The following TBC1D8 variants were observed in gnomAD, a reference collection of about 807,000 sequenced individuals.
TBC1D8 encodes the protein BUB2-like protein 1.
In TBC1D8, 65 loss-of-function variants were observed where a neutral mutation model predicts 118.8. The ratio of observed to expected loss-of-function variants is 0.55; its 90% confidence interval spans 0.45 to 0.67. The LOEUF (loss-of-function observed/expected upper bound fraction) is 0.67, where lower values mean the gene tolerates loss of function less well. TBC1D8 is among the 30% of genes least tolerant of loss of function. TBC1D8 has a pLI of 0.00. For missense variants in TBC1D8, 1,376 were observed against 1,471.2 expected, an observed-to-expected ratio of 0.94 and a Z score of 1.06; for synonymous variants, 566 against 595.8, an observed-to-expected ratio of 0.95 and a Z score of 0.73.
chr2:101,083,835 T>C (rs1675419750), intron 2 of TBC1D8, among the ~76,000 whole-genome samples: 1 of 152,064 alleles, frequency 6.6e-6, no homozygotes, highest in Non-Finnish European at 1.5e-5. Context: ...TGCTCAATGC[T>C]CAAGACACAA....
intron 17 of TBC1D8, among the ~76,000 whole-genome samples, chr2:101,016,554 C>T (rs1226131524): frequency 2.0e-5 from 3 of 152,092 alleles, no homozygotes; most frequent in Non-Finnish European, 4.4e-5. Context: ...TACCATTTGA[C>T]CCAGCCATCC....
At position 101,037,594 on chromosome 2, in the gene TBC1D8, G is replaced by C. The variant is rs199934612; in HGVS notation, c.1390C>G (p.His464Asp). The C allele has an allele frequency of 2.5e-6, 4 of 1,613,522 alleles. No homozygotes were observed. Among genetic ancestry groups the C allele is most frequent in the Non-Finnish European group, 3.4e-6 (4 of 1,179,898 alleles). The stretch of plus-strand genomic sequence containing the variant: ...AAGGCGGTGACCAGGGCATCGGGGT[G>C]CATCAGCGGGCTCTTCTCTTTCTCA... ...ESEKEKSPLM[H>D]PDALVTAFQQ... The change falls in exon 8 of 20, where the codon CAC becomes GAC. Residue 464 changes from histidine (H) to aspartate (D), a missense_variant. Coordinates refer to ENST00000409318, the MANE Select transcript of TBC1D8 (RefSeq NM_001330348.2).
intron 16 of TBC1D8, 121 bp downstream of exon 16, chr2:101,022,160 G>A: frequency 6.8e-7 from 1 of 1,480,364 alleles, no homozygotes; most frequent in Non-Finnish European, 9.1e-7. Flanking sequence ...ATAAGTTCAT[G>A]TCAGGCCAGT....
At chr2:101,109,811 A>T (rs988174977) in intron 1 of TBC1D8, 9 of 985,476 alleles carry the variant, frequency 9.1e-6, no homozygotes, top group Non-Finnish European at 1.1e-5. Context: ...ACTTATTTTT[A>T]AAAATACTAC....
chr2:101,020,317 T>A (rs1011020297), intron 17 of TBC1D8, among the ~76,000 whole-genome samples: 1 of 148,064 alleles, frequency 6.8e-6, no homozygotes, highest in Non-Finnish European at 1.5e-5. Context: ...TAATGACAAC[T>A]ATGGAAAGAT....
chr2:101,086,695 C>A (rs1285120928), intron 2 of TBC1D8, among the ~76,000 whole-genome samples: 2 of 152,196 alleles, frequency 1.3e-5, no homozygotes, highest in Non-Finnish European at 2.9e-5. Flanking sequence ...CCCTAGGCCA[C>A]ATTGGAAGAA....
At chr2:101,122,852 G>A (rs1361593981) in intron 1 of TBC1D8, among the ~76,000 whole-genome samples, 1 of 152,174 alleles carries the variant, frequency 6.6e-6, no homozygotes, top group Non-Finnish European at 1.5e-5. Context: ...TCACATTGGT[G>A]TCAAACACTG....
At chr2:101,113,828 G>A (rs375930946) in intron 1 of TBC1D8, among the ~76,000 whole-genome samples, 37 of 152,218 alleles carry the variant, frequency 2.4e-4, no homozygotes, top group African/African-American at 8.9e-4. Context: ...CTCTGCGGCG[G>A]ATTCCGGCTC....
chr2:101,069,248 A>C (rs1190684641), intron 2 of TBC1D8, among the ~76,000 whole-genome samples: 1 of 149,716 alleles, frequency 6.7e-6, no homozygotes, highest in African/African-American at 2.5e-5. Flanking sequence ...ACCCAAGATC[A>C]CGCCACTGCA....
intron 2 of TBC1D8, among the ~76,000 whole-genome samples, chr2:101,086,002 C>A (rs1425562521): frequency 6.6e-6 from 1 of 151,898 alleles, no homozygotes; most frequent in Non-Finnish European, 1.5e-5. Context: ...ATTAGCTGGG[C>A]GTGGTGGCGG....
At chr2:101,050,021 T>G (rs6543010) in intron 5 of TBC1D8, among the ~76,000 whole-genome samples, 71,011 of 151,406 alleles carry the variant, frequency 0.47, 16,921 homozygotes, top group Middle Eastern at 0.53. Context: ...TAGAGACGGG[T>G]TTTCACCATG....
At chr2:101,101,861 C>CA (rs1479463256) in intron 1 of TBC1D8, among the ~76,000 whole-genome samples, 2 of 151,888 alleles carry the variant, frequency 1.3e-5, no homozygotes, top group African/African-American at 2.4e-5. Flanking sequence ...CACATGGACA[C>CA]AGAGAGGGGA....
chr2:101,119,407 C>T (rs1219953038), intron 1 of TBC1D8, among the ~76,000 whole-genome samples: 1 of 152,174 alleles, frequency 6.6e-6, no homozygotes, highest in Non-Finnish European at 1.5e-5. Context: ...TCCTCTTCCA[C>T]CCTAAGTGTC....
chr2:101,134,608 A>G (rs1678758783), intron 1 of TBC1D8, among the ~76,000 whole-genome samples: 1 of 152,112 alleles, frequency 6.6e-6, no homozygotes. Flanking sequence ...CACATGGCAG[A>G]GAGGGTAAGC....
intron 12 of TBC1D8, among the ~76,000 whole-genome samples, 156 bp downstream of exon 12, chr2:101,029,335 G>A (rs1346540907): frequency 6.6e-6 from 1 of 151,894 alleles, no homozygotes; most frequent in African/African-American, 2.4e-5. Flanking sequence ...GTTGTAGTGA[G>A]CAGATTGTGG....
At chr2:101,117,597 A>T (rs1359400872) in intron 1 of TBC1D8, among the ~76,000 whole-genome samples, 5 of 135,972 alleles carry the variant, frequency 3.7e-5, no homozygotes, top group Non-Finnish European at 6.1e-5. Context: ...TTTTTGAGAC[A>T]GAGTCTCGCT....
intron 2 of TBC1D8, among the ~76,000 whole-genome samples, chr2:101,086,760 A>C (rs1675655119): frequency 6.6e-6 from 1 of 152,148 alleles, no homozygotes; most frequent in Non-Finnish European, 1.5e-5. Flanking sequence ...ATAGCTGATA[A>C]GCTTAAAAAA....
intron 17 of TBC1D8, among the ~76,000 whole-genome samples, chr2:101,015,254 G>C (rs903846639): frequency 6.6e-6 from 1 of 152,094 alleles, no homozygotes. Context: ...AAAAAAAAAT[G>C]GTATACCTGT....
At position 101,114,441 on chromosome 2, in the gene TBC1D8, T is replaced by C. The variant is rs918399699; in HGVS notation, c.128-24077A>G. ...TAATTAGCCCTTTCAGTAAAATAAA[T>C]TCAAAGAACCCAGTTGTTTAAACTC... is the stretch of plus-strand genomic sequence containing the variant. On this transcript the variant is annotated intron_variant, in intron 1 of 19. Coordinates refer to ENST00000409318, the MANE Select transcript of TBC1D8 (RefSeq NM_001330348.2). Among the ~76,000 whole-genome samples the C allele has an allele frequency of 1.5e-4, 23 of 152,310 alleles. 1 individual carries two copies. Among genetic ancestry groups the C allele is most frequent in the South Asian group, 8.3e-4 (4 of 4,824 alleles).
Sources: allele counts gnomAD v4.1 joint callset (sites outside exome capture counted in the v4.1 genomes callset), GRCh38; gene constraint gnomAD v4.1.1; transcripts MANE v1.5; gene names NCBI Gene and HGNC (gene_info 2026-07-23, HGNC 2026-07-21).